Variants in TC2N observed in about 807,000 individuals in gnomAD.
The protein encoded by TC2N is tandem C2 domains nuclear protein.
TC2N carries 51 observed loss-of-function variants against 61.9 expected under a neutral mutation model. That is an observed-to-expected ratio of 0.82 (90% CI 0.66 to 1.04). The LOEUF (loss-of-function observed/expected upper bound fraction) is 1.04. Ranked by LOEUF, TC2N falls within the 50% of genes least tolerant of loss-of-function variation. TC2N has a pLI of 0.00. For missense variants in TC2N, 556 were observed against 566.7 expected, an observed-to-expected ratio of 0.98 and a Z score of 0.19; for synonymous variants, 204 against 192.6, an observed-to-expected ratio of 1.06 and a Z score of -0.49.
intron 1 of TC2N, among the ~76,000 whole-genome samples, chr14:91,846,371 AT>A (rs528917474): frequency 4.6e-5 from 7 of 151,042 alleles, no homozygotes; most frequent in Non-Finnish European, 7.4e-5. Flanking sequence ...ATCAAGAAGA[AT>A]TTTTTTTTTA....
intron 1 of TC2N, among the ~76,000 whole-genome samples, chr14:91,863,921 G>T (rs1019529388): frequency 1.4e-4 from 22 of 151,796 alleles, no homozygotes; most frequent in African/African-American, 5.3e-4. Context: ...CAGGACAGGA[G>T]GTCGAGGCTG....
chr14:91,808,413 A>G (rs1338529977), intron 3 of TC2N, among the ~76,000 whole-genome samples: 3 of 152,182 alleles, frequency 2.0e-5, no homozygotes, highest in Non-Finnish European at 2.9e-5. Flanking sequence ...TTCTCAGAAC[A>G]TATCGCCATT....
intron 3 of TC2N, among the ~76,000 whole-genome samples, chr14:91,805,046 C>T (rs1451339137): frequency 6.6e-6 from 1 of 152,100 alleles, no homozygotes; most frequent in African/African-American, 2.4e-5. Context: ...CTAAATTCTT[C>T]AAAGGTTTAA....
At chr14:91,845,368 A>G (rs899064358) in intron 1 of TC2N, among the ~76,000 whole-genome samples, 4 of 152,228 alleles carry the variant, frequency 2.6e-5, no homozygotes, top group African/African-American at 9.7e-5. Flanking sequence ...CAAGATCACA[A>G]AGAAGTAATG....
intron 3 of TC2N, among the ~76,000 whole-genome samples, chr14:91,807,968 G>C (rs1035714455): frequency 6.6e-6 from 1 of 152,142 alleles, no homozygotes; most frequent in Non-Finnish European, 1.5e-5. Flanking sequence ...TTGTGATAGT[G>C]AATAAGTCTC....
rs1443626726 is a variant in TC2N, at chr14:91,837,214, T to C, written c.-56-23389A>G. On this transcript the variant is annotated intron_variant, in intron 1 of 11. Coordinates refer to ENST00000435962, the MANE Select transcript of TC2N (RefSeq NM_001128596.3). The surrounding 1 kb of genome is among the most constrained non-coding windows in gnomAD (Gnocchi z 4.2). ...CCTAGACTGTCTGATGAAGAATGGCTTAGCATTTTTTGTTTGTTTTGTTTT... is the reference window on the plus strand; with the variant it reads ...CCTAGACTGTCTGATGAAGAATGGCCTAGCATTTTTTGTTTGTTTTGTTTT... Among the ~76,000 whole-genome samples, 1 of 152,126 alleles carries C rather than the reference T, an allele frequency of 6.6e-6. No individual in the cohort carries two copies. Among genetic ancestry groups the C allele is most frequent in the Non-Finnish European group, 1.5e-5 (1 of 68,022 alleles).
chr14:91,800,203 A>C, intron 5 of TC2N, 78 bp downstream of exon 5: 1 of 789,186 alleles, frequency 1.3e-6, no homozygotes, highest in Non-Finnish European at 2.0e-6. Flanking sequence ...GCATATTCCT[A>C]ATGTAATTCA....
intron 1 of TC2N, among the ~76,000 whole-genome samples, chr14:91,864,343 G>A (rs1312128889): frequency 6.6e-6 from 1 of 152,166 alleles, no homozygotes; most frequent in East Asian, 1.9e-4. Context: ...GGGGGAAGGA[G>A]GCCCCTAAAA....
At chr14:91,855,205 C>G (rs1355342770) in intron 1 of TC2N, among the ~76,000 whole-genome samples, 8 of 152,178 alleles carry the variant, frequency 5.3e-5, no homozygotes, top group Admixed American at 5.2e-4. Flanking sequence ...ACTCCCAAAT[C>G]CTCAGGAAAT....
intron 1 of TC2N, among the ~76,000 whole-genome samples, chr14:91,863,261 A>G (rs561903307): frequency 6.6e-6 from 1 of 152,372 alleles, no homozygotes; most frequent in Admixed American, 6.5e-5. Flanking sequence ...GACATTACCA[A>G]ACCAAACTGG....
intron 1 of TC2N, among the ~76,000 whole-genome samples, chr14:91,861,916 A>ATG (rs1249222366): frequency 6.6e-6 from 1 of 150,510 alleles, no homozygotes; most frequent in Non-Finnish European, 1.5e-5. Context: ...GTTGGAAAAT[A>ATG]TATATATATA....
chr14:91,851,797 A>T (rs1247975878), intron 1 of TC2N, among the ~76,000 whole-genome samples: 1 of 152,248 alleles, frequency 6.6e-6, no homozygotes, highest in Non-Finnish European at 1.5e-5. Context: ...ACCAATGTTT[A>T]TCCTGGATCA....
At chr14:91,820,418 A>T (rs1595254124) in intron 1 of TC2N, among the ~76,000 whole-genome samples, 2 of 152,108 alleles carry the variant, frequency 1.3e-5, no homozygotes, top group African/African-American at 2.4e-5. Flanking sequence ...AAAATCCAAT[A>T]TTCGTGATAA....
intron 1 of TC2N, among the ~76,000 whole-genome samples, chr14:91,852,887 C>T (rs1006266109): frequency 1.3e-4 from 19 of 151,944 alleles, no homozygotes; most frequent in South Asian, 2.1e-4. Flanking sequence ...CTGGCTAACA[C>T]GGTGAAACCC....
intron 1 of TC2N, among the ~76,000 whole-genome samples, chr14:91,822,124 T>C (rs1453141561): frequency 6.6e-6 from 1 of 152,188 alleles, no homozygotes; most frequent in African/African-American, 2.4e-5. Context: ...ACCTGCTACA[T>C]GATCCAGACA....
At chr14:91,862,339 CAAAAAAA>C (rs56816512) in intron 1 of TC2N, among the ~76,000 whole-genome samples, 46,837 of 106,526 alleles carry the variant, frequency 0.44, 7,582 homozygotes, top group Middle Eastern at 0.5. Flanking sequence ...GACTCTGTCT[CAAAAAAA>C]AAAAAAAAAA....
chr14:91,831,831 C>A (rs539242706), intron 1 of TC2N, among the ~76,000 whole-genome samples: 2 of 152,106 alleles, frequency 1.3e-5, no homozygotes, highest in South Asian at 4.1e-4. Flanking sequence ...ATATACCCCC[C>A]TGCTTTTAGT....
intron 1 of TC2N, among the ~76,000 whole-genome samples, chr14:91,847,259 GAA>G (rs34551265): frequency 1.6e-5 from 2 of 127,024 alleles, no homozygotes; most frequent in Non-Finnish European, 3.4e-5. Flanking sequence ...CTCCATCTCA[GAA>G]AAAAAAAAAA....
chr14:91,797,439 T>C (rs993107833), intron 8 of TC2N, among the ~76,000 whole-genome samples: 3 of 152,004 alleles, frequency 2.0e-5, no homozygotes, highest in Non-Finnish European at 4.4e-5. Context: ...TTAAAAGAAA[T>C]TCATTGCAAT....
Sources: gnomAD v4.1 joint callset for allele counts (sites outside exome capture counted in the v4.1 genomes callset) on GRCh38, gnomAD v4.1.1 for gene constraint, Gnocchi (gnomAD v3.1) non-coding constraint, MANE v1.5 for transcripts, NCBI Gene and HGNC (gene_info 2026-07-23, HGNC 2026-07-21) for gene names.